CNTNAP3B: variants seen among roughly 807,000 people sequenced by gnomAD.
The protein encoded by CNTNAP3B is contactin-associated protein-like 3B.
In CNTNAP3B, 25 loss-of-function variants were observed where a neutral mutation model predicts 108.9. The ratio of observed to expected loss-of-function variants is 0.23; its 90% CI spans 0.17 to 0.32. The LOEUF (loss-of-function observed/expected upper bound fraction) is 0.32. Among genes scored for constraint, CNTNAP3B ranks in the 10% least tolerant of loss-of-function variants. The pLI is 1.00. For missense variants in CNTNAP3B, 252 were observed against 1,210.4 expected, an observed-to-expected ratio of 0.21 and a Z score of 11.75; for synonymous variants, 103 against 473.4, an observed-to-expected ratio of 0.22 and a Z score of 10.16.
At chr9:42,019,634 C>T (rs1175055514) in intron 3 of CNTNAP3B, among the ~76,000 whole-genome samples, 1 of 149,214 alleles carries the variant, frequency 6.7e-6, no homozygotes, top group Non-Finnish European at 1.5e-5. Flanking sequence ...GGTGGCGTGC[C>T]CCTGTAGTCC....
At chr9:41,980,798 C>T (rs1166832523) in intron 9 of CNTNAP3B, 1 of 139,194 alleles carries the variant, frequency 7.2e-6, no homozygotes, top group Non-Finnish European at 1.5e-5. Flanking sequence ...ACTGAATGGG[C>T]AAAAGATGTG....
rs547355012 is a variant in CNTNAP3B at position 42,029,501 on chromosome 9, T to C, written c.391-15976A>G. On this transcript the variant is annotated intron_variant, in intron 3 of 23. Transcript: ENST00000377561. ...TTGACATACAAAATAAATGTATTAATAAACCAACAAAGTATGATCACATAT... is the reference window on the plus strand; with the variant it reads ...TTGACATACAAAATAAATGTATTAACAAACCAACAAAGTATGATCACATAT... Among the ~76,000 whole-genome samples the C allele has an allele frequency of 7.3e-5, 9 of 122,482 alleles. 2 individuals carry two copies. Among genetic ancestry groups the C allele is most frequent in the Non-Finnish European group, 1.5e-4 (9 of 59,928 alleles). 80.4% of individuals were successfully genotyped at this position (122,482 alleles called of 152,430 possible).
chr9:41,941,193 C>T (rs1402695934), intron 13 of CNTNAP3B, among the ~76,000 whole-genome samples: 2 of 150,678 alleles, frequency 1.3e-5, no homozygotes, highest in Non-Finnish European at 3.0e-5. Flanking sequence ...TAATACCAAG[C>T]AACGAGTAAG....
chr9:41,923,451 T>A (rs1268608476), intron 16 of CNTNAP3B, among the ~76,000 whole-genome samples: 1 of 152,056 alleles, frequency 6.6e-6, no homozygotes, highest in Non-Finnish European at 1.5e-5. Flanking sequence ...CATGCTTCAT[T>A]GTTTTATTTT....
At chr9:41,986,566 G>C (rs1476013360) in intron 8 of CNTNAP3B, among the ~76,000 whole-genome samples, 2 of 149,564 alleles carry the variant, frequency 1.3e-5, no homozygotes, top group South Asian at 4.2e-4. Flanking sequence ...AAAGTAACTA[G>C]AATTTAATTA....
rs533650936 is a variant in CNTNAP3B, at chr9:42,034,299, C to T, written c.391-20774G>A. ...TCTTTCCTCTACTCCTGAATGCCTT[C>T]GGCACCTCTCTCCAGGAAAGAGAAA... On this transcript the variant is annotated intron_variant, in intron 3 of 23. Transcript: ENST00000377561. 9.1e-4 allele frequency among the ~76,000 whole-genome samples: 104 copies of T among 113,736 alleles called. 11 individuals are homozygous for T. The highest frequency in any genetic ancestry group is 3.5e-3 in the African/African-American group (92 of 26,636). The allele number at this position is 113,736 out of a possible 152,430, so 74.6% of individuals were successfully genotyped here.
intron 3 of CNTNAP3B, among the ~76,000 whole-genome samples, chr9:42,075,980 TC>T (rs1827479828): frequency 7.5e-6 from 1 of 133,980 alleles, no homozygotes; most frequent in Admixed American, 7.6e-5. Context: ...TACCTCAGCC[TC>T]CCAAGTAGCT....
intron 13 of CNTNAP3B, among the ~76,000 whole-genome samples, chr9:41,946,642 C>A (rs1411468112): frequency 4.9e-4 from 24 of 49,282 alleles, no homozygotes; most frequent in East Asian, 2.9e-3. Context: ...ATAAATGATA[C>A]CAATTTTCCA....
At chr9:42,036,088 T>C (rs1210038720) in intron 3 of CNTNAP3B, among the ~76,000 whole-genome samples, 1 of 149,748 alleles carries the variant, frequency 6.7e-6, no homozygotes, top group Non-Finnish European at 1.5e-5. Context: ...AGCCTGGGCA[T>C]CACAGGGAGA....
At chr9:41,939,602 A>T (rs1469358590) in intron 13 of CNTNAP3B, among the ~76,000 whole-genome samples, 7 of 152,294 alleles carry the variant, frequency 4.6e-5, no homozygotes, top group African/African-American at 1.7e-4. Context: ...ACTACAACGT[A>T]AAAGATATTT....
chr9:41,924,711 C>T (rs1823765425), intron 15 of CNTNAP3B, among the ~76,000 whole-genome samples: 1 of 151,576 alleles, frequency 6.6e-6, no homozygotes, highest in South Asian at 2.1e-4. Context: ...CCTTTCATGG[C>T]AAGAACAATC....
At chr9:41,940,007 T>G (rs1327010792) in intron 13 of CNTNAP3B, among the ~76,000 whole-genome samples, 1 of 152,278 alleles carries the variant, frequency 6.6e-6, no homozygotes, top group Non-Finnish European at 1.5e-5. Context: ...GGCTCAAGAA[T>G]AGAGTGAAAA....
chr9:42,080,113 G>C (rs946800357), intron 2 of CNTNAP3B, among the ~76,000 whole-genome samples: 1 of 133,482 alleles, frequency 7.5e-6, no homozygotes, highest in Non-Finnish European at 1.6e-5. Flanking sequence ...AGGAAAATGA[G>C]TTGACACGGT....
At chr9:42,056,326 T>TTTA (rs199830117) in intron 3 of CNTNAP3B, among the ~76,000 whole-genome samples, 6,265 of 128,726 alleles carry the variant, frequency 0.049, 248 homozygotes, top group Non-Finnish European at 0.056. Context: ...TCTCATGAAT[T>TTTA]TTATTATTAT....
chr9:41,941,841 G>A (rs1824354545), intron 13 of CNTNAP3B, among the ~76,000 whole-genome samples: 1 of 151,526 alleles, frequency 6.6e-6, no homozygotes, highest in South Asian at 2.1e-4. Context: ...CGCCTTAGAG[G>A]GTCAACACAC....
intron 3 of CNTNAP3B, among the ~76,000 whole-genome samples, chr9:42,035,846 C>G (rs1337236220): frequency 2.7e-5 from 4 of 145,474 alleles, no homozygotes; most frequent in South Asian, 2.2e-4. Flanking sequence ...TGTTGTTGTT[C>G]TTGAGATGAG....
chr9:41,940,394 A>G (rs1391382567), intron 13 of CNTNAP3B, among the ~76,000 whole-genome samples: 121 of 152,302 alleles, frequency 7.9e-4, no homozygotes, highest in Admixed American at 2.3e-3. Flanking sequence ...AATTTGAATG[A>G]TAGTAGATTA....
At chr9:41,920,853 A>G (rs904333320) in intron 17 of CNTNAP3B, among the ~76,000 whole-genome samples, 9 of 152,300 alleles carry the variant, frequency 5.9e-5, no homozygotes, top group Non-Finnish European at 1.3e-4. Context: ...GGAAGGGGTG[A>G]CACCATACCC....
intron 2 of CNTNAP3B, among the ~76,000 whole-genome samples, chr9:42,090,128 G>T (rs1340391301): frequency 7.5e-6 from 1 of 133,830 alleles, no homozygotes; most frequent in Non-Finnish European, 1.6e-5. Context: ...TATTAAAATG[G>T]AAAGTTGTCT....
Sources: allele counts gnomAD v4.1 joint callset (sites outside exome capture counted in the v4.1 genomes callset), GRCh38; gene constraint gnomAD v4.1.1; transcripts MANE v1.5; gene names NCBI Gene and HGNC (gene_info 2026-07-23, HGNC 2026-07-21).